Variants in ENDOD1 observed in about 807,000 individuals in gnomAD.
ENDOD1 encodes endonuclease domain containing 1, also known as endonuclease domain-containing 1 protein.
Under a neutral mutation model 6.5 loss-of-function variants are expected in ENDOD1, and 9 were observed. That is an observed-to-expected ratio of 1.39 (90% CI 0.84 to 2.43). The LOEUF (loss-of-function observed/expected upper bound fraction) is 2.43, where lower values mean the gene tolerates loss of function less well. Among genes scored for constraint, ENDOD1 ranks in the 30% most tolerant of loss-of-function variants. The pLI, the probability that ENDOD1 is intolerant of heterozygous loss-of-function variation, is 0.00. For missense variants in ENDOD1, 648 were observed against 635.5 expected, an observed-to-expected ratio of 1.02 and a Z score of -0.21; for synonymous variants, 255 against 255.2, an observed-to-expected ratio of 1.00 and a Z score of 0.01.
At position 95,094,633 on chromosome 11, in the gene ENDOD1, T is replaced by A. The variant is rs371941631; in HGVS notation, c.300+4406T>A. On this transcript the variant is annotated intron_variant, in intron 1 of 1. Coordinates refer to ENST00000278505, the MANE Select transcript of ENDOD1 (RefSeq NM_015036.3). The stretch of plus-strand genomic sequence containing the variant: ...GTTTCAAGTTAGAACCTTGATTAAG[T>A]CCTTGATTTTTAATTTCCATCCATG... 3.9e-5 allele frequency among the ~76,000 whole-genome samples: 6 copies of A among 152,344 alleles called. No homozygotes were observed. In the South Asian group the frequency reaches 8.3e-4, roughly 21 times the overall value.
chr11:95,107,828 T>C (rs76558638), intron 1 of ENDOD1, among the ~76,000 whole-genome samples: 1 of 151,912 alleles, frequency 6.6e-6, no homozygotes, highest in Non-Finnish European at 1.5e-5. Context: ...GCCCGGCTAA[T>C]TTTTTTGTAT....
Position 95,129,401 on chromosome 11 carries a change from T to C in ENDOD1, c.1325T>C (p.Val442Ala). 1 of 1,614,220 alleles carries C rather than the reference T, an allele frequency of 6.2e-7. No individual in the cohort carries two copies. Among genetic ancestry groups the C allele is most frequent in the Non-Finnish European group, 8.5e-7 (1 of 1,180,022 alleles). ...CTTGTGGATGTGGCCACTTTCCCTG[T>C]GTACACCATGGGCGCTATTCCAATT... ...RVLVDVATFP[V>A]YTMGAIPIVC... Residue 442 changes from valine to alanine, a missense_variant, in exon 2 of 2, where the codon GTG becomes GCG. By Grantham distance (64) the Val-to-Ala change is moderately conservative (BLOSUM62 0). Coordinates refer to ENST00000278505, the MANE Select transcript of ENDOD1 (RefSeq NM_015036.3).
intron 1 of ENDOD1, among the ~76,000 whole-genome samples, chr11:95,095,304 C>T (rs1461299411): frequency 4.8e-5 from 1 of 20,632 alleles, no homozygotes; most frequent in African/African-American, 6.7e-5. Context: ...CCAAAGACAT[C>T]TCCACCCTCT....
At chr11:95,127,178 A>G (rs1859319968) in intron 1 of ENDOD1, among the ~76,000 whole-genome samples, 1 of 152,162 alleles carries the variant, frequency 6.6e-6, no homozygotes, top group African/African-American at 2.4e-5. Context: ...GTTCTGGGGG[A>G]ATATACATGG....
chr11:95,122,160 A>G (rs1025806750), intron 1 of ENDOD1, among the ~76,000 whole-genome samples: 1 of 152,082 alleles, frequency 6.6e-6, no homozygotes, highest in Non-Finnish European at 1.5e-5. Context: ...TTAAGTGACA[A>G]TGTATCAAAG....
At chr11:95,109,798 C>G (rs77138043) in intron 1 of ENDOD1, among the ~76,000 whole-genome samples, 2,372 of 152,376 alleles carry the variant, frequency 0.016, 40 homozygotes, top group Non-Finnish European at 0.022. Flanking sequence ...TGCTCTTTAC[C>G]TGCACCTGCA....
intron 1 of ENDOD1, among the ~76,000 whole-genome samples, chr11:95,115,737 T>A (rs1254991360): frequency 1.3e-5 from 2 of 152,184 alleles, no homozygotes; most frequent in African/African-American, 4.8e-5. Flanking sequence ...TCATCATCAG[T>A]TGAGATGATA....
At chr11:95,123,977 G>C (rs951165445) in intron 1 of ENDOD1, among the ~76,000 whole-genome samples, 2 of 152,018 alleles carry the variant, frequency 1.3e-5, no homozygotes, top group Non-Finnish European at 2.9e-5. Context: ...GACCTCTCAT[G>C]ATGATAAACT....
rs375000076 is a variant in ENDOD1 at position 95,109,169 on chromosome 11, A to G, written c.300+18942A>G. Among the ~76,000 whole-genome samples the G allele has an allele frequency of 5.9e-5, 9 of 152,364 alleles. No individual in the cohort carries two copies. The East Asian group carries it at 9.6e-4, about 16-fold the overall frequency. ...TCCCCACGGAGTTGGATAGCTCCCT[A>G]GGTCATCTCCTGACCACAGGATCTT... On this transcript the variant is annotated intron_variant, in intron 1 of 1. Coordinates refer to ENST00000278505, the MANE Select transcript of ENDOD1 (RefSeq NM_015036.3).
intron 1 of ENDOD1, among the ~76,000 whole-genome samples, chr11:95,108,534 CA>C (rs1555111638): frequency 1.1e-4 from 15 of 141,860 alleles, no homozygotes; most frequent in Admixed American, 2.1e-4. Flanking sequence ...CACAGACACC[CA>C]AAAAAAGAAA....
At chr11:95,103,465 T>G (rs548238639) in intron 1 of ENDOD1, among the ~76,000 whole-genome samples, 1 of 152,306 alleles carries the variant, frequency 6.6e-6, no homozygotes, top group East Asian at 1.9e-4. Flanking sequence ...ATTGAGATCT[T>G]AGGACTAAAT....
intron 1 of ENDOD1, among the ~76,000 whole-genome samples, chr11:95,120,896 C>T (rs991171470): frequency 1.3e-5 from 2 of 152,170 alleles, no homozygotes; most frequent in East Asian, 1.9e-4. Flanking sequence ...GCTCTCCCTC[C>T]GTGGGCAGGC....
In ENDOD1 at chr11:95,118,377, G is replaced by A. The variant is rs537030800; in HGVS notation, c.301-10000G>A. ...TGCTAAAATCTCTCAGCTTTTGTTT[G>A]TCTGGGAAAGTGGTTATTTCTTATT... On this transcript the variant is annotated intron_variant, in intron 1 of 1. Coordinates refer to ENST00000278505, the MANE Select transcript of ENDOD1 (RefSeq NM_015036.3). Among the ~76,000 whole-genome samples, 100 of 152,214 alleles carry A rather than the reference G, an allele frequency of 6.6e-4. 3 individuals carry two copies. The South Asian group carries it at 0.019, about 30-fold the overall frequency.
At chr11:95,119,520 GTC>G (rs1215646769) in intron 1 of ENDOD1, among the ~76,000 whole-genome samples, 10 of 152,186 alleles carry the variant, frequency 6.6e-5, no homozygotes, top group African/African-American at 9.6e-5. Context: ...AACAGACAGA[GTC>G]TCTCTCTCTG....
chr11:95,099,936 A>G (rs1859021758), intron 1 of ENDOD1, among the ~76,000 whole-genome samples: 1 of 152,122 alleles, frequency 6.6e-6, no homozygotes, highest in Admixed American at 6.5e-5. Flanking sequence ...TGAAATATCT[A>G]CGGTTGATGT....
intron 1 of ENDOD1, among the ~76,000 whole-genome samples, chr11:95,122,024 A>G (rs1859266785): frequency 6.6e-6 from 1 of 152,204 alleles, no homozygotes; most frequent in Admixed American, 6.5e-5. Flanking sequence ...GCCATCTGAA[A>G]TAACCTTTTA....
At chr11:95,109,478 T>A (rs1859125662) in intron 1 of ENDOD1, among the ~76,000 whole-genome samples, 1 of 152,254 alleles carries the variant, frequency 6.6e-6, no homozygotes, top group Admixed American at 6.5e-5. Flanking sequence ...AGTCACTCCC[T>A]GGTGTGCAGG....
In ENDOD1 at chr11:95,089,948, C is replaced by A; in HGVS notation, c.21C>A (p.Leu7=). The A allele has an allele frequency of 6.8e-7, 1 of 1,463,490 alleles. No individual in the cohort carries two copies. The highest frequency in any genetic ancestry group is 9.1e-7 in the Non-Finnish European group (1 of 1,099,090). The allele number at this position is 1,463,490 out of a possible 1,614,324, so 90.7% of individuals were successfully genotyped here. The stretch of plus-strand genomic sequence containing the variant: ...CCGCCATGGGCACCGCGCGCTGGCT[C>A]GCGCTGGGCAGCCTCTTCGCCCTGG... MGTARW[L]ALGSLFALAG... The change falls in exon 1 of 2, where the codon CTC becomes CTA. Residue 7 remains leucine (L), a synonymous_variant. Transcript: ENST00000278505.
rs770037635 is a variant in ENDOD1, at chr11:95,129,135, C to T, written c.1059C>T (p.Ile353=). ...TAATTTATTACCTTGTGGTAGCAAT[C>T]CTGAAGAACATTGTCTATTTCCTGT... ...FQLIYYLVVA[I]LKNIVYFLWC... The change falls in exon 2 of 2, where the codon ATC becomes ATT. Residue 353 remains isoleucine, a synonymous_variant. Transcript: ENST00000278505. The T allele has an allele frequency of 2.5e-6, 4 of 1,614,104 alleles. No individual in the cohort carries two copies. The South Asian group carries it at 4.4e-5, about 18-fold the overall frequency.
Sources: gnomAD v4.1 joint callset for allele counts (sites outside exome capture counted in the v4.1 genomes callset) on GRCh38, gnomAD v4.1.1 for gene constraint, MANE v1.5 for transcripts, NCBI Gene and HGNC (gene_info 2026-07-23, HGNC 2026-07-21) for gene names.